SLC24A2: variants seen among roughly 807,000 people sequenced by gnomAD.
SLC24A2 encodes sodium/potassium/calcium exchanger 2.
Under a neutral mutation model 62.0 loss-of-function variants are expected in SLC24A2, and 36 were observed. That is an observed-to-expected ratio of 0.58 (90% CI 0.44 to 0.77). The LOEUF (loss-of-function observed/expected upper bound fraction) is 0.77. Among genes scored for constraint, SLC24A2 ranks in the 30% least tolerant of loss-of-function variants. The pLI is 0.00. For missense variants in SLC24A2, 846 were observed against 817.9 expected (o/e 1.03, Z -0.42); for synonymous variants, 358 against 294.0 (o/e 1.22, Z -2.23).
the SLC24A2 span, among the ~76,000 whole-genome samples, chr9:20,284,946 G>A: frequency 6.6e-6 from 1 of 152,196 alleles, no homozygotes; most frequent in Non-Finnish European, 1.5e-5. Context: ...TGTTTGAGAA[G>A]CTGCTTTTTT....
the SLC24A2 span, among the ~76,000 whole-genome samples, chr9:19,897,138 G>A: frequency 1.3e-5 from 2 of 152,302 alleles, no homozygotes; most frequent in East Asian, 3.9e-4. Context: ...TATAGACTGG[G>A]AAACTGGGCC....
the SLC24A2 span, among the ~76,000 whole-genome samples, chr9:20,100,009 TCTC>T: frequency 1.3e-5 from 2 of 151,960 alleles, no homozygotes; most frequent in Non-Finnish European, 2.9e-5. Context: ...ATCCTTTTCT[TCTC>T]CTATTCATCT....
chr9:19,695,347 G>A (rs914786422), intron 2 of SLC24A2, among the ~76,000 whole-genome samples: 5 of 152,044 alleles, frequency 3.3e-5, no homozygotes, highest in Admixed American at 6.6e-5. Context: ...AGGCTCTTTT[G>A]GGCTTTGGAA....
At chr9:20,174,312 C>T in the SLC24A2 span, among the ~76,000 whole-genome samples, 13 of 151,698 alleles carry the variant, frequency 8.6e-5, no homozygotes, top group African/African-American at 1.2e-4. Flanking sequence ...GACCAAGAAC[C>T]GAAAAGCAAA....
chr9:19,921,140 G>A, the SLC24A2 span, among the ~76,000 whole-genome samples: 1 of 151,582 alleles, frequency 6.6e-6, no homozygotes, highest in East Asian at 1.9e-4. Flanking sequence ...TGTAGTAAAT[G>A]GTTACCATTT....
At chr9:19,873,973 G>A in the SLC24A2 span, among the ~76,000 whole-genome samples, 1 of 151,852 alleles carries the variant, frequency 6.6e-6, no homozygotes, top group South Asian at 2.1e-4. Flanking sequence ...AAATTTTGAA[G>A]CCATAAATCC....
intron 5 of SLC24A2, among the ~76,000 whole-genome samples, chr9:19,589,960 G>T (rs1836500934): frequency 6.6e-6 from 1 of 152,100 alleles, no homozygotes. Context: ...TCTGAGGCAG[G>T]CCATTCCATC....
chr9:20,250,545 T>C, the SLC24A2 span, among the ~76,000 whole-genome samples: 5 of 152,098 alleles, frequency 3.3e-5, no homozygotes, highest in Non-Finnish European at 7.4e-5. Context: ...AAAACTCAAA[T>C]CTTTATAGCA....
chr9:19,531,821 A>G (rs955489381), intron 8 of SLC24A2, among the ~76,000 whole-genome samples: 2 of 151,116 alleles, frequency 1.3e-5, no homozygotes, highest in Admixed American at 6.7e-5. Flanking sequence ...AATCTCTTTA[A>G]GCTTAGGTTT....
At chr9:20,151,265 C>T in the SLC24A2 span, among the ~76,000 whole-genome samples, 1 of 151,930 alleles carries the variant, frequency 6.6e-6, no homozygotes, top group South Asian at 2.1e-4. Flanking sequence ...ACTTTATTAT[C>T]ATAATTCCTG....
At chr9:20,270,983 A>G in the SLC24A2 span, among the ~76,000 whole-genome samples, 5,333 of 151,944 alleles carry the variant, frequency 0.035, 126 homozygotes, top group African/African-American at 0.05. Context: ...TAAAAGGACC[A>G]TTTTCTTCTC....
At chr9:19,714,842 G>A (rs1014104023) in intron 2 of SLC24A2, among the ~76,000 whole-genome samples, 9 of 151,836 alleles carry the variant, frequency 5.9e-5, no homozygotes, top group Admixed American at 1.3e-4. Context: ...TCTTTATGTC[G>A]TACATTAGAT....
intron 2 of SLC24A2, among the ~76,000 whole-genome samples, chr9:19,639,259 G>A (rs1046910084): frequency 6.6e-6 from 1 of 152,180 alleles, no homozygotes; most frequent in Admixed American, 6.5e-5. Context: ...TTTGCAAAAT[G>A]GCTGCAATTC....
the SLC24A2 span, among the ~76,000 whole-genome samples, chr9:20,140,497 G>C: frequency 6.6e-6 from 1 of 152,174 alleles, no homozygotes; most frequent in African/African-American, 2.4e-5. Flanking sequence ...AGACTGGAAA[G>C]CATAGACCAT....
chr9:20,035,810 TA>T, the SLC24A2 span, among the ~76,000 whole-genome samples: 1 of 152,150 alleles, frequency 6.6e-6, no homozygotes, highest in South Asian at 2.1e-4. Flanking sequence ...TTGAAAGGTT[TA>T]AAAGTTGATG....
chr9:20,227,602 G>GCTTAGCCTTTTTTTTTTTTTTTTT, the SLC24A2 span, among the ~76,000 whole-genome samples: 1 of 148,370 alleles, frequency 6.7e-6, no homozygotes, highest in African/African-American at 2.5e-5. Context: ...CTACATTTCT[G>GCTTAGCCTTTTTTTTTTTTTTTTT]TAATGTACTA....
chr9:19,514,768 C>T lies in SLC24A2; in HGVS notation c.*1385G>A, dbSNP rs530353626. On this transcript the variant is annotated 3_prime_UTR_variant, in exon 11 of 11. Coordinates refer to ENST00000341998, the MANE Select transcript of SLC24A2 (RefSeq NM_020344.4). ...AGAAGAGACATAGATGTTACAAGAA[C>T]TTTAACCAAAGCCTGGTCCTGGTAC... The T allele has an allele frequency of 6.6e-6, 1 of 152,276 alleles. No homozygotes were observed. Among genetic ancestry groups the T allele is most frequent in the South Asian group, 2.1e-4 (1 of 4,828 alleles). The allele number at this position is 152,276 out of a possible 1,614,324, so 9.4% of individuals were successfully genotyped here.
chr9:20,272,348 A>G, the SLC24A2 span, among the ~76,000 whole-genome samples: 1 of 152,226 alleles, frequency 6.6e-6, no homozygotes, highest in African/African-American at 2.4e-5. Context: ...CTGCTGTTTT[A>G]GAGTCTCATA....
the SLC24A2 span, among the ~76,000 whole-genome samples, chr9:19,907,037 A>T: frequency 6.6e-6 from 1 of 152,236 alleles, no homozygotes; most frequent in East Asian, 1.9e-4. Context: ...AGAGAATTTT[A>T]GACCAATATC....
Sources: allele counts gnomAD v4.1 joint callset (sites outside exome capture counted in the v4.1 genomes callset), GRCh38; gene constraint gnomAD v4.1.1; transcripts MANE v1.5; gene names NCBI Gene and HGNC (gene_info 2026-07-23, HGNC 2026-07-21).